The following FNBP1L variants were observed in gnomAD, a reference collection of about 807,000 sequenced individuals.
FNBP1L encodes formin-binding protein 1-like.
A neutral mutation model predicts 91.2 loss-of-function variants in FNBP1L; 36 were observed. That is an observed-to-expected ratio of 0.39 (90% confidence interval 0.30 to 0.52). FNBP1L has a LOEUF of 0.52. Among genes scored for constraint, FNBP1L ranks in the 20% least tolerant of loss-of-function variants. The probability of loss-of-function intolerance (pLI) is 0.66; values close to 1 mark genes in which losing one functional copy is unlikely to be tolerated. For missense variants in FNBP1L, 571 were observed against 732.1 expected (o/e 0.78, Z 2.54); for synonymous variants, 242 against 237.0 (o/e 1.02, Z -0.19).
chr1:93,448,713 C>T lies in FNBP1L; in HGVS notation c.24+408C>T, dbSNP rs550322572. Among the ~76,000 whole-genome samples the T allele has an allele frequency of 5.5e-3, 830 of 152,280 alleles. 6 individuals carry two copies. The highest frequency in any genetic ancestry group is 7.7e-3 in the Non-Finnish European group (523 of 68,006). On this transcript the variant is annotated intron_variant, in intron 1 of 16. Transcript: ENST00000271234. ...GAGGCGGGGGAGGGGGCCCATTGTC[C>T]CCAAGGGGCGCTGTTCGAGGGCGGG...
chr1:93,448,154 T>G lies in FNBP1L; in HGVS notation c.-128T>G. 8.3e-7 allele frequency: 1 copy of G among 1,211,516 alleles called. No homozygotes were observed. Among genetic ancestry groups the G allele is most frequent in the Non-Finnish European group, 1.1e-6 (1 of 878,432 alleles). The allele number at this position is 1,211,516 out of a possible 1,614,324, so 75.0% of individuals were successfully genotyped here. On this transcript the variant is annotated 5_prime_UTR_variant, in exon 1 of 17. Coordinates refer to ENST00000271234, the MANE Select transcript of FNBP1L (RefSeq NM_001164473.3). ...TCTCACTCACTGGGGAGCCCGGCGGTGGCGGCACCTTTCGAGGTAGACCCG... is the reference window on the plus strand; with the variant it reads ...TCTCACTCACTGGGGAGCCCGGCGGGGGCGGCACCTTTCGAGGTAGACCCG...
intron 11 of FNBP1L, among the ~76,000 whole-genome samples, chr1:93,543,255 T>A (rs576512509): frequency 2.0e-4 from 31 of 152,322 alleles, no homozygotes; most frequent in South Asian, 4.1e-4. Context: ...TAACAGTGAT[T>A]AAAATAACAT....
chr1:93,459,226 A>C (rs1435523707), intron 1 of FNBP1L, among the ~76,000 whole-genome samples: 2 of 152,210 alleles, frequency 1.3e-5, no homozygotes, highest in Admixed American at 6.5e-5. Flanking sequence ...ACGCCACTGC[A>C]CTCAGCCTGG....
At chr1:93,513,351 C>A (rs967666357) in intron 2 of FNBP1L, among the ~76,000 whole-genome samples, 6 of 151,970 alleles carry the variant, frequency 3.9e-5, no homozygotes, top group African/African-American at 1.5e-4. Flanking sequence ...CAAGGAGGAA[C>A]TGGTCCCATT....
chr1:93,448,426 G>A (rs1668344900), intron 1 of FNBP1L, 121 bp downstream of exon 1: 1 of 1,082,722 alleles, frequency 9.2e-7, no homozygotes, highest in Non-Finnish European at 1.3e-6. Flanking sequence ...GGCGCTGGCG[G>A]AGGGTGAGGG....
rs1570861635 is a variant in FNBP1L at position 93,536,181 on chromosome 1, C to T, written c.991-151C>T. On this transcript the variant is annotated intron_variant, in intron 9 of 16. Coordinates refer to ENST00000271234, the MANE Select transcript of FNBP1L (RefSeq NM_001164473.3). The stretch of plus-strand genomic sequence containing the variant: ...GATTTTTTTAAATAATAGTTTTGGG[C>T]AAAACTATGTTTACTTTCTCATAAT... 6.0e-6 allele frequency: 3 copies of T among 501,352 alleles called. 1 individual carries two copies. The highest frequency in any genetic ancestry group is 1.7e-4 in the South Asian group (2 of 11,848). The allele number at this position is 501,352 out of a possible 1,614,324, so 31.1% of individuals were successfully genotyped here. A position where few individuals can be genotyped will look rare whatever the true frequency, so the allele number is the denominator to read the frequency against.
chr1:93,479,170 T>A (rs893494078), intron 1 of FNBP1L, among the ~76,000 whole-genome samples: 23 of 152,166 alleles, frequency 1.5e-4, no homozygotes, highest in African/African-American at 5.1e-4. Context: ...AGGTCCATGA[T>A]GCCTACCTGA....
intron 5 of FNBP1L, among the ~76,000 whole-genome samples, chr1:93,526,701 A>G (rs1378365939): frequency 6.6e-6 from 1 of 152,144 alleles, no homozygotes; most frequent in African/African-American, 2.4e-5. Context: ...CACACCAAGG[A>G]TGAAGGGAAA....
chr1:93,453,247 A>G (rs906956688), intron 1 of FNBP1L, among the ~76,000 whole-genome samples: 2 of 152,230 alleles, frequency 1.3e-5, no homozygotes, highest in African/African-American at 4.8e-5. Flanking sequence ...CGTTATTGCT[A>G]TTAGTTAAGG....
chr1:93,499,646 A>G, intron 2 of FNBP1L, 63 bp downstream of exon 2: 2 of 935,816 alleles, frequency 2.1e-6, no homozygotes. Flanking sequence ...TGAATATTAG[A>G]GGAATGTGAT....
intron 11 of FNBP1L, among the ~76,000 whole-genome samples, chr1:93,541,975 A>G (rs992493733): frequency 3.3e-5 from 5 of 152,128 alleles, no homozygotes; most frequent in Admixed American, 6.5e-5. Context: ...CTTGTAGGTT[A>G]TTGTGAGTTT....
At chr1:93,475,189 T>A (rs1045200612) in intron 1 of FNBP1L, among the ~76,000 whole-genome samples, 1 of 152,108 alleles carries the variant, frequency 6.6e-6, no homozygotes, top group Admixed American at 6.5e-5. Flanking sequence ...AAGTAAAATA[T>A]ACTCCTAACT....
chr1:93,469,328 A>G lies in FNBP1L; in HGVS notation c.24+21023A>G, dbSNP rs143650941. Among the ~76,000 whole-genome samples the G allele has an allele frequency of 9.4e-3, 1,398 of 148,528 alleles. 24 individuals are homozygous for G. Among genetic ancestry groups the G allele is most frequent in the African/African-American group, 0.033 (1,332 of 40,082 alleles). On this transcript the variant is annotated intron_variant, in intron 1 of 16. Transcript: ENST00000271234. ...TCAACTCCTACTTATGAGTGAGAGC[A>G]TGCAGTGTTTGGTTTTCTGTCCTTG...
chr1:93,468,589 C>T (rs1335323885), intron 1 of FNBP1L, among the ~76,000 whole-genome samples: 1 of 152,074 alleles, frequency 6.6e-6, no homozygotes, highest in Non-Finnish European at 1.5e-5. Context: ...TGCCATGACG[C>T]CTGGCTAATT....
At chr1:93,526,381 C>T (rs1299672747) in intron 5 of FNBP1L, among the ~76,000 whole-genome samples, 1 of 152,128 alleles carries the variant, frequency 6.6e-6, no homozygotes, top group African/African-American at 2.4e-5. Context: ...TTTTCCTCAG[C>T]CATGTCTCCT....
At chr1:93,541,567 C>T (rs1367747145) in intron 11 of FNBP1L, among the ~76,000 whole-genome samples, 1 of 143,336 alleles carries the variant, frequency 7.0e-6, no homozygotes, top group African/African-American at 2.6e-5. Context: ...ATCTAAATAT[C>T]CTGTGTGTGT....
At chr1:93,519,830 G>T (rs1186390394) in intron 2 of FNBP1L, among the ~76,000 whole-genome samples, 2 of 152,184 alleles carry the variant, frequency 1.3e-5, no homozygotes, top group South Asian at 2.1e-4. Flanking sequence ...GATGGTGTGT[G>T]CCTGTAGTCC....
intron 1 of FNBP1L, among the ~76,000 whole-genome samples, chr1:93,493,345 A>AG (rs1415457822): frequency 1.3e-5 from 2 of 152,342 alleles, no homozygotes; most frequent in Non-Finnish European, 2.9e-5. Flanking sequence ...TTTTTGGTGG[A>AG]GGGGTGAAGA....
At chr1:93,530,971 T>TA in intron 7 of FNBP1L, 88 bp downstream of exon 7, 1 of 1,022,302 alleles carries the variant, frequency 9.8e-7, no homozygotes, top group Non-Finnish European at 1.4e-6. Flanking sequence ...AGAATCTTTC[T>TA]AGATTCACTA....
Sources: gnomAD v4.1 joint callset for allele counts (sites outside exome capture counted in the v4.1 genomes callset) on GRCh38, gnomAD v4.1.1 for gene constraint, MANE v1.5 for transcripts, NCBI Gene and HGNC (gene_info 2026-07-23, HGNC 2026-07-21) for gene names.